DGKB: variants seen among roughly 807,000 people sequenced by gnomAD.
DGKB encodes diacylglycerol kinase beta, also known as 90 kDa diacylglycerol kinase.
DGKB carries 67 observed loss-of-function variants against 114.3 expected under a neutral mutation model. The observed-to-expected ratio is 0.59, with a 90% CI of 0.48 to 0.72. The LOEUF (loss-of-function observed/expected upper bound fraction) is 0.72, where lower values mean the gene tolerates loss of function less well. Ranked by LOEUF, DGKB falls within the 30% of genes least tolerant of loss-of-function variation. The pLI, the probability that DGKB is intolerant of heterozygous loss-of-function variation, is 0.00. For missense variants in DGKB, 907 were observed against 975.2 expected (o/e 0.93, Z 0.93); for synonymous variants, 398 against 323.1 (o/e 1.23, Z -2.49).
rs1824598362 is a variant in DGKB, at chr7:14,409,957, T to A, written c.1836-64566A>T. 2.0e-5 allele frequency among the ~76,000 whole-genome samples: 3 copies of A among 152,132 alleles called. No homozygotes were observed. In the South Asian group the frequency reaches 6.2e-4, roughly 31 times the overall value. ...ACATACAAAATATGTGTAAATCAAC[T>A]GTTTATGTTATCAGTAAGGCTTCTA... is the stretch of plus-strand genomic sequence containing the variant. On this transcript the variant is annotated intron_variant, in intron 21 of 25. Transcript: ENST00000402815.
chr7:14,645,633 C>T (rs1221310365), intron 13 of DGKB, among the ~76,000 whole-genome samples: 1 of 151,468 alleles, frequency 6.6e-6, no homozygotes, highest in East Asian at 1.9e-4. Context: ...ATTAGACTAA[C>T]AACACACTTC....
intron 2 of DGKB, among the ~76,000 whole-genome samples, chr7:14,799,255 T>A (rs1183997994): frequency 6.6e-6 from 1 of 152,214 alleles, no homozygotes; most frequent in East Asian, 1.9e-4. Context: ...AGAAGCTGTT[T>A]GCATTTAGCT....
chr7:14,674,737 A>T (rs1819563999), intron 12 of DGKB, among the ~76,000 whole-genome samples: 1 of 152,112 alleles, frequency 6.6e-6, no homozygotes, highest in South Asian at 2.1e-4. Context: ...CTCTGATAAC[A>T]TAGGTCGATA....
chr7:14,426,477 T>A (rs1346866303), intron 21 of DGKB, among the ~76,000 whole-genome samples: 1 of 152,072 alleles, frequency 6.6e-6, no homozygotes, highest in South Asian at 2.1e-4. Context: ...CACAATAAAG[T>A]CATGTACCAC....
At chr7:14,746,525 T>G (rs1199831382) in intron 4 of DGKB, among the ~76,000 whole-genome samples, 3 of 152,174 alleles carry the variant, frequency 2.0e-5, no homozygotes, top group Non-Finnish European at 4.4e-5. Flanking sequence ...AGACAAAGTC[T>G]TGCTCTTCCC....
At chr7:14,423,171 G>T (rs901503357) in intron 21 of DGKB, among the ~76,000 whole-genome samples, 1 of 151,856 alleles carries the variant, frequency 6.6e-6, no homozygotes, top group Non-Finnish European at 1.5e-5. Context: ...AAAACTATAC[G>T]GTAAGATAGC....
At chr7:14,645,014 A>T (rs62445642) in intron 13 of DGKB, among the ~76,000 whole-genome samples, 16,149 of 152,204 alleles carry the variant, frequency 0.11, 1,141 homozygotes, top group Non-Finnish European at 0.16. Flanking sequence ...TAGACTCCAC[A>T]ACTGGCATGA....
intron 21 of DGKB, among the ~76,000 whole-genome samples, chr7:14,430,799 G>T (rs987334902): frequency 1.3e-5 from 2 of 152,120 alleles, no homozygotes; most frequent in Non-Finnish European, 2.9e-5. Context: ...ATGTGTTACA[G>T]AAGTACTTTA....
At chr7:14,927,573 G>GA (rs1172973299) in intron 1 of DGKB, among the ~76,000 whole-genome samples, 1 of 151,814 alleles carries the variant, frequency 6.6e-6, no homozygotes, top group Non-Finnish European at 1.5e-5. Context: ...ATTAAACACA[G>GA]AAGTCATGGT....
At chr7:14,525,018 G>A (rs991058016) in intron 20 of DGKB, among the ~76,000 whole-genome samples, 4 of 152,202 alleles carry the variant, frequency 2.6e-5, no homozygotes, top group African/African-American at 9.6e-5. Context: ...GATTGAAGCT[G>A]TGTGATGAGT....
At chr7:14,754,926 T>C (rs1394015865) in intron 3 of DGKB, among the ~76,000 whole-genome samples, 1 of 152,188 alleles carries the variant, frequency 6.6e-6, no homozygotes, top group East Asian at 1.9e-4. Flanking sequence ...GCTTGGTCAA[T>C]GAAGTGAAGA....
chr7:14,704,873 A>G (rs7809358), intron 6 of DGKB, among the ~76,000 whole-genome samples: 2,152 of 152,188 alleles, frequency 0.014, 54 homozygotes, highest in African/African-American at 0.049. Flanking sequence ...TGGGGAAAAA[A>G]CAGAACAGAA....
chr7:14,294,799 A>G (rs1802281295), intron 23 of DGKB, among the ~76,000 whole-genome samples: 1 of 152,178 alleles, frequency 6.6e-6, no homozygotes, highest in Non-Finnish European at 1.5e-5. Context: ...ATGAGACTAG[A>G]ACTGCCTTTC....
At chr7:14,578,748 C>G (rs1054658246) in intron 19 of DGKB, among the ~76,000 whole-genome samples, 5 of 152,174 alleles carry the variant, frequency 3.3e-5, no homozygotes, top group African/African-American at 1.2e-4. Context: ...CATTTTCTGA[C>G]CAGTTTATTT....
intron 1 of DGKB, among the ~76,000 whole-genome samples, chr7:14,959,855 T>A (rs558290419): frequency 6.6e-6 from 1 of 152,024 alleles, no homozygotes; most frequent in Non-Finnish European, 1.5e-5. Flanking sequence ...TATGAAAATG[T>A]CTATATACCT....
intron 21 of DGKB, among the ~76,000 whole-genome samples, chr7:14,403,568 C>T (rs1416013402): frequency 1.3e-5 from 2 of 151,928 alleles, no homozygotes; most frequent in Non-Finnish European, 2.9e-5. Flanking sequence ...CAAATCAATT[C>T]ATGCTGCTTT....
intron 21 of DGKB, among the ~76,000 whole-genome samples, chr7:14,430,082 T>A (rs920116600): frequency 2.6e-5 from 4 of 152,200 alleles, no homozygotes; most frequent in Non-Finnish European, 5.9e-5. Context: ...ACAGGAAATA[T>A]GTTTGACTTG....
chr7:14,928,136 A>G lies in DGKB; in HGVS notation c.-188+46560T>C, dbSNP rs549123213. ...TAAAATTCTATTTATGATTTAAGAT[A>G]AATATGCTAAAATATAGATTCTTTC... On this transcript the variant is annotated intron_variant, in intron 1 of 4. Transcript: ENST00000437998. Among the ~76,000 whole-genome samples the G allele has an allele frequency of 3.5e-4, 53 of 152,096 alleles. 1 individual carries two copies. The highest frequency in any genetic ancestry group is 1.6e-3 in the Admixed American group (25 of 15,282).
chr7:14,704,586 G>A lies in DGKB; in HGVS notation c.467-2856C>T, dbSNP rs1825842560. Reference sequence around the variant, plus strand: ...CTGCATTTCCATCTGAGCTTTGAAGGGAGCAGTGGTTCTCCCAGCACGCAG... The same window carrying A: ...CTGCATTTCCATCTGAGCTTTGAAGAGAGCAGTGGTTCTCCCAGCACGCAG... On this transcript the variant is annotated intron_variant, in intron 6 of 25. Transcript: ENST00000402815. 2.6e-5 allele frequency among the ~76,000 whole-genome samples: 4 copies of A among 151,954 alleles called. No individual in the cohort carries two copies. The South Asian group carries it at 8.3e-4, about 32-fold the overall frequency.
Sources: gnomAD v4.1 joint callset for allele counts (sites outside exome capture counted in the v4.1 genomes callset) on GRCh38, gnomAD v4.1.1 for gene constraint, MANE v1.5 for transcripts, NCBI Gene and HGNC (gene_info 2026-07-23, HGNC 2026-07-21) for gene names.